DLGAP2: variants seen among roughly 807,000 people sequenced by gnomAD.
DLGAP2 encodes disks large-associated protein 2.
Under a neutral mutation model 100.3 loss-of-function variants are expected in DLGAP2, and 26 were observed. That is an observed-to-expected ratio of 0.26 (90% confidence interval 0.19 to 0.36). The LOEUF is 0.36. Among genes scored for constraint, DLGAP2 ranks in the 10% least tolerant of loss-of-function variants. The pLI, the probability that DLGAP2 is intolerant of heterozygous loss-of-function variation, is 1.00. For missense variants in DLGAP2, 1,858 were observed against 1,453.2 expected, an observed-to-expected ratio of 1.28 and a Z score of -4.53; for synonymous variants, 886 against 630.1, an observed-to-expected ratio of 1.41 and a Z score of -6.08.
chr8:1,187,980 G>C (rs1415723240), intron 2 of DLGAP2, among the ~76,000 whole-genome samples: 1 of 117,242 alleles, frequency 8.5e-6, no homozygotes, highest in Non-Finnish European at 1.6e-5. Context: ...TCAAACGCCT[G>C]GGACCTCTGT....
rs116778374 is a variant in DLGAP2 at position 963,471 on chromosome 8, T to C, written c.73+55505T>C. Among the ~76,000 whole-genome samples, 241 of 152,368 alleles carry C rather than the reference T, an allele frequency of 1.6e-3. 3 individuals carry two copies. The highest frequency in any genetic ancestry group is 5.7e-3 in the African/African-American group (237 of 41,580). Reference sequence around the variant, plus strand: ...TGTATATGGTACATATATGCATTTTTGCTTATTAATTTTAATATAACTTTT... The same window carrying C: ...TGTATATGGTACATATATGCATTTTCGCTTATTAATTTTAATATAACTTTT... On this transcript the variant is annotated intron_variant, in intron 2 of 14. Coordinates refer to ENST00000637795, the MANE Select transcript of DLGAP2 (RefSeq NM_001346810.2).
intron 2 of DLGAP2, among the ~76,000 whole-genome samples, chr8:1,241,656 T>C (rs1023063336): frequency 1.3e-5 from 2 of 152,110 alleles, no homozygotes; most frequent in Admixed American, 1.3e-4. Context: ...TTTTAACCAG[T>C]GGAAATGACT....
chr8:1,179,911 G>C (rs376733327), intron 2 of DLGAP2, among the ~76,000 whole-genome samples: 7 of 152,128 alleles, frequency 4.6e-5, no homozygotes, highest in African/African-American at 1.4e-4. Context: ...ACAAAATAAC[G>C]AGTAGATGGG....
chr8:1,280,856 A>G (rs1799800696), intron 3 of DLGAP2, among the ~76,000 whole-genome samples: 1 of 152,220 alleles, frequency 6.6e-6, no homozygotes, highest in Non-Finnish European at 1.5e-5. Flanking sequence ...GGGCTTAGGT[A>G]TCTTCAGGTC....
chr8:1,688,516 G>T (rs536727408), intron 12 of DLGAP2: 1 of 152,318 alleles, frequency 6.6e-6, no homozygotes, highest in East Asian at 1.9e-4. Context: ...GTGGCCCTGG[G>T]TCTACAAGGT....
At chr8:1,615,458 C>T (rs1316338541) in intron 6 of DLGAP2, among the ~76,000 whole-genome samples, 3 of 152,282 alleles carry the variant, frequency 2.0e-5, no homozygotes, top group African/African-American at 4.8e-5. Flanking sequence ...GTGCTCAAAA[C>T]GAAGCCTGAG....
chr8:1,295,267 C>A (rs564636120), intron 3 of DLGAP2, among the ~76,000 whole-genome samples: 1 of 152,218 alleles, frequency 6.6e-6, no homozygotes, highest in Non-Finnish European at 1.5e-5. Flanking sequence ...CTCTTTCTTT[C>A]CATGGGATAG....
At chr8:1,211,249 T>A (rs1359362192) in intron 2 of DLGAP2, among the ~76,000 whole-genome samples, 2 of 152,216 alleles carry the variant, frequency 1.3e-5, no homozygotes, top group Non-Finnish European at 2.9e-5. Flanking sequence ...AAATCCACCT[T>A]CCTTGATGGC....
intron 2 of DLGAP2, among the ~76,000 whole-genome samples, chr8:1,096,972 A>T (rs2014659): frequency 3.0e-3 from 336 of 111,996 alleles, no homozygotes; most frequent in Middle Eastern, 6.9e-3. Context: ...CATAGAGAGG[A>T]CCCCTCCAGC....
chr8:1,135,503 G>GCTT (rs1554490362), intron 2 of DLGAP2, among the ~76,000 whole-genome samples: 1 of 92,194 alleles, frequency 1.1e-5, no homozygotes. Flanking sequence ...TTTTTTGTGG[G>GCTT]TTTTTTTTTT....
intron 2 of DLGAP2, among the ~76,000 whole-genome samples, chr8:946,718 C>G (rs778117838): frequency 2.6e-5 from 4 of 152,230 alleles, no homozygotes; most frequent in Non-Finnish European, 5.9e-5. Context: ...TGTTATCACT[C>G]TGAGTGTCAG....
At chr8:1,203,838 G>A (rs1034589128) in intron 2 of DLGAP2, among the ~76,000 whole-genome samples, 27 of 152,192 alleles carry the variant, frequency 1.8e-4, no homozygotes, top group African/African-American at 6.0e-4. Context: ...GCAGCAGTCA[G>A]GGGGCTGGAT....
chr8:1,211,385 G>A (rs980925892), intron 2 of DLGAP2, among the ~76,000 whole-genome samples: 1 of 152,192 alleles, frequency 6.6e-6, no homozygotes, highest in Non-Finnish European at 1.5e-5. Flanking sequence ...TAGATGCACA[G>A]AAAAACAACT....
intron 3 of DLGAP2, among the ~76,000 whole-genome samples, chr8:1,455,757 TCA>T (rs1798294878): frequency 6.6e-6 from 1 of 152,178 alleles, no homozygotes; most frequent in African/African-American, 2.4e-5. Context: ...TTCCTGACCC[TCA>T]CCCCAGCTGC....
intron 3 of DLGAP2, among the ~76,000 whole-genome samples, chr8:1,328,359 C>G (rs1167639180): frequency 1.3e-5 from 2 of 151,858 alleles, no homozygotes; most frequent in Non-Finnish European, 2.9e-5. Flanking sequence ...CACTGTGTCG[C>G]CCAGGCTGGA....
At chr8:1,148,202 C>T (rs1030121478) in intron 2 of DLGAP2, among the ~76,000 whole-genome samples, 2 of 151,894 alleles carry the variant, frequency 1.3e-5, no homozygotes, top group Non-Finnish European at 2.9e-5. Context: ...GTTGTGTTTT[C>T]CAAGGAACTT....
At chr8:1,101,918 T>C (rs560588034) in intron 2 of DLGAP2, among the ~76,000 whole-genome samples, 3 of 151,604 alleles carry the variant, frequency 2.0e-5, no homozygotes, top group African/African-American at 7.3e-5. Flanking sequence ...GGAAGGTCCT[T>C]GTCACCACTG....
intron 3 of DLGAP2, among the ~76,000 whole-genome samples, chr8:1,285,089 A>C (rs1208419041): frequency 6.6e-6 from 1 of 152,186 alleles, no homozygotes; most frequent in Non-Finnish European, 1.5e-5. Flanking sequence ...TCTGTAGTAT[A>C]AATTCTGCCA....
At chr8:1,309,097 G>A (rs1313122078) in intron 3 of DLGAP2, among the ~76,000 whole-genome samples, 1 of 152,090 alleles carries the variant, frequency 6.6e-6, no homozygotes, top group Non-Finnish European at 1.5e-5. Flanking sequence ...CGAAACTTGA[G>A]GGTCTGTGGA....
Sources: gnomAD v4.1 joint callset for allele counts (sites outside exome capture counted in the v4.1 genomes callset) on GRCh38, gnomAD v4.1.1 for gene constraint, MANE v1.5 for transcripts, NCBI Gene and HGNC (gene_info 2026-07-23, HGNC 2026-07-21) for gene names.